The following ZBTB7A variants were observed in gnomAD, a reference collection of about 807,000 sequenced individuals.
ZBTB7A encodes zinc finger and BTB domain containing 7A, also known as zinc finger and BTB domain-containing protein 7A.
ZBTB7A carries 7 observed loss-of-function variants against 26.7 expected under a neutral mutation model. That is an observed-to-expected ratio of 0.26 (90% CI 0.15 to 0.49). ZBTB7A has a LOEUF of 0.49. Ranked by LOEUF, ZBTB7A falls within the 20% of genes least tolerant of loss-of-function variation. The pLI is 0.98. For synonymous variants in ZBTB7A, 452 were observed against 441.0 expected (o/e 1.02, Z -0.31); for missense variants, 617 against 919.5 (o/e 0.67, Z 4.25).
chr19:4,054,339 C>G lies in ZBTB7A; in HGVS notation c.894G>C (p.Ser298=), dbSNP rs776732413. 6.6e-7 allele frequency: 1 copy of G among 1,505,668 alleles called. No individual in the cohort carries two copies. Among genetic ancestry groups the G allele is most frequent in the African/African-American group, 1.4e-5 (1 of 70,116 alleles). 93.3% of individuals were successfully genotyped at this position (1,505,668 alleles called of 1,614,324 possible). ...PEPGDSPGFL[S]GAAEGEDGDG... is the part of the protein sequence containing the mutation. ...CCCCGTCCTCGCCCTCGGCCGCTCCCGACAGGAAGCCCGGAGAGTCGCCCG... is the reference window on the plus strand; with the variant it reads ...CCCCGTCCTCGCCCTCGGCCGCTCCGGACAGGAAGCCCGGAGAGTCGCCCG... Residue 298 remains serine (S), a synonymous_variant, in exon 2 of 3, where the codon TCG becomes TCC. Coordinates refer to ENST00000322357, the MANE Select transcript of ZBTB7A (RefSeq NM_015898.4).
At position 4,048,139 on chromosome 19, in the gene ZBTB7A, G is replaced by A. The variant is rs775150177; in HGVS notation, c.1368C>T (p.His456=). 1 of 1,610,338 alleles carries A rather than the reference G, an allele frequency of 6.2e-7. No individual in the cohort carries two copies. Among genetic ancestry groups the A allele is most frequent in the South Asian group, 1.1e-5 (1 of 90,684 alleles). ...GGCGCAGGCCCGTGTGCACGCGCATGTGGTTCTTCAGGTCGTAGTTGTGGG... is the reference window on the plus strand; with the variant it reads ...GGCGCAGGCCCGTGTGCACGCGCATATGGTTCTTCAGGTCGTAGTTGTGGG... ...AFAHNYDLKN[H]MRVHTGLRPY... The change falls in exon 3 of 3, where the codon CAC becomes CAT. Residue 456 remains histidine (H), a synonymous_variant. Transcript: ENST00000322357. This position sits in a 1 kb window ranked among gnomAD's most constrained non-coding sequence, Gnocchi z 6.7.
At position 4,045,710 on chromosome 19, in the gene ZBTB7A, C is replaced by T. The variant is rs2040407483; in HGVS notation, c.*2042G>A. On this transcript the variant is annotated 3_prime_UTR_variant, in exon 3 of 3. Transcript: ENST00000322357. This position sits in a 1 kb window ranked among gnomAD's most constrained non-coding sequence, Gnocchi z 4.1. ...GAGCGTCTATTTTCGGGGTCCCATG[C>T]TAGCATTGCATATGCAAACGGGGTG... 7.6e-6 allele frequency: 3 copies of T among 394,298 alleles called. No homozygotes were observed. The highest frequency in any genetic ancestry group is 4.4e-5 in the Admixed American group (1 of 22,624). 24.4% of individuals were successfully genotyped at this position (394,298 alleles called of 1,614,324 possible). A position where few individuals can be genotyped will look rare whatever the true frequency, so the allele number is the denominator to read the frequency against.
intron 2 of ZBTB7A, 82 bp downstream of exon 2, chr19:4,053,889 G>A (rs2040536274): frequency 6.7e-7 from 1 of 1,490,410 alleles, no homozygotes; most frequent in South Asian, 1.3e-5. Context: ...GTGCGGTGCA[G>A]GGAGAGAGGC....
At position 4,045,688 on chromosome 19, in the gene ZBTB7A, C is replaced by G. The variant is rs1294979202; in HGVS notation, c.*2064G>C. 2.6e-6 allele frequency: 1 copy of G among 387,738 alleles called. No individual in the cohort carries two copies. Among genetic ancestry groups the G allele is most frequent in the African/African-American group, 2.1e-5 (1 of 48,322 alleles). The allele number at this position is 387,738 out of a possible 1,614,324, so 24.0% of individuals were successfully genotyped here. ...GACAAGAAGTCTCAGTGCAGCAGAGCGTCTATTTTCGGGGTCCCATGCTAG... is the reference window on the plus strand; with the variant it reads ...GACAAGAAGTCTCAGTGCAGCAGAGGGTCTATTTTCGGGGTCCCATGCTAG... On this transcript the variant is annotated 3_prime_UTR_variant, in exon 3 of 3. Coordinates refer to ENST00000322357, the MANE Select transcript of ZBTB7A (RefSeq NM_015898.4). The surrounding 1 kb of genome is among the most constrained non-coding windows in gnomAD (Gnocchi z 4.1).
rs1309464229 is a variant in ZBTB7A at position 4,043,718 on chromosome 19, C to T, written c.*4034G>A. ...CCTGGCCCCCTCCACCCCCTGGGCC[C>T]GGCCCCCCCCCCCCCCCCCCGTAAA... is the stretch of plus-strand genomic sequence containing the variant. On this transcript the variant is annotated 3_prime_UTR_variant, in exon 3 of 3. Coordinates refer to ENST00000322357, the MANE Select transcript of ZBTB7A (RefSeq NM_015898.4). 2.4e-5 allele frequency among the ~76,000 whole-genome samples: 1 copy of T among 41,560 alleles called. No homozygotes were observed. Among genetic ancestry groups the T allele is most frequent in the African/African-American group, 1.2e-4 (1 of 8,518 alleles). The allele number at this position is 41,560 out of a possible 152,430, so 27.3% of individuals were successfully genotyped here. A position where few individuals can be genotyped will look rare whatever the true frequency, so the allele number is the denominator to read the frequency against.
Position 4,048,444 on chromosome 19 carries a change from T to C in ZBTB7A, c.1263-200A>G, listed in dbSNP as rs1368744496. On this transcript the variant is annotated intron_variant, in intron 2 of 2. Transcript: ENST00000322357. This position sits in a 1 kb window ranked among gnomAD's most constrained non-coding sequence, Gnocchi z 6.7. ...GGGGCGATTTCGCATTCTGAACATCTAAAGAGGGCCTCGGACCCTGAGTGC... is the reference window on the plus strand; with the variant it reads ...GGGGCGATTTCGCATTCTGAACATCCAAAGAGGGCCTCGGACCCTGAGTGC... Among the ~76,000 whole-genome samples the C allele has an allele frequency of 6.6e-6, 1 of 152,110 alleles. No homozygotes were observed. Among genetic ancestry groups the C allele is most frequent in the Non-Finnish European group, 1.5e-5 (1 of 68,004 alleles).
rs1446100279 is a variant in ZBTB7A at position 4,043,444 on chromosome 19, AT to A, written c.*4307del. ...CTCCCTCCCCACTCCCAAAAAGTGC[AT>A]TTTTATCAGTTTTTTTTTTTTTTAA... On this transcript the variant is annotated 3_prime_UTR_variant, in exon 3 of 3. Coordinates refer to ENST00000322357, the MANE Select transcript of ZBTB7A (RefSeq NM_015898.4). 8.2e-6 allele frequency among the ~76,000 whole-genome samples: 1 copy of A among 121,424 alleles called. No individual in the cohort carries two copies. The highest frequency in any genetic ancestry group is 3.2e-5 in the African/African-American group (1 of 31,174). 79.7% of individuals were successfully genotyped at this position (121,424 alleles called of 152,430 possible). A position where few individuals can be genotyped will look rare whatever the true frequency, so the allele number is the denominator to read the frequency against.
At chr19:4,049,166 G>GTATATATATATATATATATATATA (rs1186333792) in intron 2 of ZBTB7A, among the ~76,000 whole-genome samples, 1 of 13,476 alleles carries the variant, frequency 7.4e-5, no homozygotes, top group African/African-American at 2.1e-4. Context: ...GTGTGTGTGT[G>GTATATATATATATATATATATATA]TGTATATATA....
chr19:4,047,701 CTCTCTCTCTG>C lies in ZBTB7A; in HGVS notation c.*41_*50del, dbSNP rs767094193. ...GGGGGGGTGGTGGGTGATTTTTTTT[CTCTCTCTCTG>C]TCTCTCTCTTTCTCGGGTTTCTGTT... On this transcript the variant is annotated 3_prime_UTR_variant, in exon 3 of 3. Transcript: ENST00000322357. 6.8e-7 allele frequency: 1 copy of C among 1,477,438 alleles called. No homozygotes were observed. Among genetic ancestry groups the C allele is most frequent in the East Asian group, 2.6e-5 (1 of 38,372 alleles). 91.5% of individuals were successfully genotyped at this position (1,477,438 alleles called of 1,614,324 possible).
Position 4,054,711 on chromosome 19 carries a change from G to C in ZBTB7A, c.522C>G (p.Pro174=). 2 of 1,575,012 alleles carry C rather than the reference G, an allele frequency of 1.3e-6. No individual in the cohort carries two copies. Among genetic ancestry groups the C allele is most frequent in the Non-Finnish European group, 1.7e-6 (2 of 1,160,444 alleles). ...AGCTGGCAGCGGCGGCGGCGGCCGC[G>C]GGGGGCAGGCTGTTCATGGGGTTGC... The part of the protein sequence containing the change: ...FQSNPMNSLP[P]AAAAAAASFP... The change falls in exon 2 of 3, where the codon CCC becomes CCG. Residue 174 remains proline, a synonymous_variant. Transcript: ENST00000322357.
chr19:4,054,773 G>C lies in ZBTB7A; in HGVS notation c.460C>G (p.Leu154Val). 1.3e-6 allele frequency: 2 copies of C among 1,577,850 alleles called. No individual in the cohort carries two copies. Among genetic ancestry groups the C allele is most frequent in the South Asian group, 2.3e-5 (2 of 87,158 alleles). The change falls in exon 2 of 3, where the codon CTC becomes GTC. Residue 154 changes from leucine (L) to valine (V), a missense_variant. By Grantham distance (32) the Leu-to-Val change is conservative (BLOSUM62 1). Coordinates refer to ENST00000322357, the MANE Select transcript of ZBTB7A (RefSeq NM_015898.4). ...TCGAGGTACTCCTTGGCGCGGAGGA[G>C]GTTGCGCTGATCAATTTGATCTACA... Reference protein sequence around the residue: ...DLVDQIDQRNLLRAKEYLEFF... With the variant: ...DLVDQIDQRNVLRAKEYLEFF...
chr19:4,047,842 C>T lies in ZBTB7A; in HGVS notation c.1665G>A (p.Arg555=). The T allele has an allele frequency of 6.2e-7, 1 of 1,605,846 alleles. No individual in the cohort carries two copies. The highest frequency in any genetic ancestry group is 1.1e-5 in the South Asian group (1 of 90,258). The change falls in exon 3 of 3, where the codon CGG becomes CGA. Residue 555 remains arginine, a synonymous_variant. Transcript: ENST00000322357. ...CTCCACCGGCGCCCGCTACATTCAA[C>T]CGGCCCAAGCCGTCGGGGCTGGCCA... ...EDVASPDGLG[R]LNVAGAGGGG...
Position 4,048,211 on chromosome 19 carries a change from G to C in ZBTB7A, c.1296C>G (p.His432Gln). 6.3e-7 allele frequency: 1 copy of C among 1,598,346 alleles called. No individual in the cohort carries two copies. The highest frequency in any genetic ancestry group is 8.5e-7 in the Non-Finnish European group (1 of 1,176,034). Residue 432 changes from histidine (H) to glutamine (Q), a missense_variant, in exon 3 of 3, where the codon CAC becomes CAG. Around this residue, in one of 5 missense-constraint regions of ZBTB7A, gnomAD observed 41 missense variants for 167.6 expected, o/e 0.24. Transcript: ENST00000322357. This position sits in a 1 kb window ranked among gnomAD's most constrained non-coding sequence, Gnocchi z 6.7. ...QDKLKVHMRK[H>Q]TGEKPYLCQQ... Reference sequence around the variant, plus strand: ...GGCACAGGTACGGCTTCTCGCCCGTGTGCTTCCGCATGTGCACCTTCAGCT... The same window carrying C: ...GGCACAGGTACGGCTTCTCGCCCGTCTGCTTCCGCATGTGCACCTTCAGCT...
chr19:4,055,816 C>A (rs1232262610), intron 1 of ZBTB7A, among the ~76,000 whole-genome samples: 1 of 152,084 alleles, frequency 6.6e-6, no homozygotes, highest in East Asian at 1.9e-4. Context: ...GAGCAAGACT[C>A]CATCTCAAAA....
intron 1 of ZBTB7A, among the ~76,000 whole-genome samples, chr19:4,061,169 A>G (rs748757897): frequency 6.6e-6 from 1 of 152,012 alleles, no homozygotes; most frequent in East Asian, 1.9e-4. Flanking sequence ...GCTGTTCACC[A>G]CCCCTCACGG....
chr19:4,053,525 G>A (rs1014201979), intron 2 of ZBTB7A, among the ~76,000 whole-genome samples: 4 of 150,928 alleles, frequency 2.7e-5, no homozygotes, highest in East Asian at 3.9e-4. Context: ...GCGTGCGTGC[G>A]TGCGTGCATG....
At chr19:4,063,464 G>A (rs957325080) in intron 1 of ZBTB7A, among the ~76,000 whole-genome samples, 2 of 152,194 alleles carry the variant, frequency 1.3e-5, no homozygotes, top group Non-Finnish European at 2.9e-5. Flanking sequence ...CGGCAGGATT[G>A]CAGAGGGGCC....
chr19:4,059,170 G>A (rs1200785822), intron 1 of ZBTB7A, among the ~76,000 whole-genome samples: 1 of 152,188 alleles, frequency 6.6e-6, no homozygotes, highest in Non-Finnish European at 1.5e-5. Context: ...CAGCATGGGG[G>A]GAGACCTCTG....
chr19:4,063,454 C>G (rs570637168), intron 1 of ZBTB7A, among the ~76,000 whole-genome samples: 1 of 152,162 alleles, frequency 6.6e-6, no homozygotes, highest in Non-Finnish European at 1.5e-5. Context: ...GTTTGTGGCT[C>G]GGCAGGATTG....
Sources: allele counts gnomAD v4.1 joint callset (sites outside exome capture counted in the v4.1 genomes callset), GRCh38; gene constraint gnomAD v4.1.1; regional missense constraint gnomAD v4.1.1; non-coding constraint Gnocchi (gnomAD v3.1); transcripts MANE v1.5; gene names NCBI Gene and HGNC (gene_info 2026-07-23, HGNC 2026-07-21).